CNTNAP5: variants seen among roughly 807,000 people sequenced by gnomAD.
CNTNAP5 encodes contactin associated protein family member 5.
A neutral mutation model predicts 150.2 loss-of-function variants in CNTNAP5; 72 were observed. That is an observed-to-expected ratio of 0.48 (90% confidence interval 0.40 to 0.58). CNTNAP5 has a LOEUF of 0.58. Ranked by LOEUF, CNTNAP5 falls within the 20% of genes least tolerant of loss-of-function variation. The pLI, the probability that CNTNAP5 is intolerant of heterozygous loss-of-function variation, is 0.00. For missense variants in CNTNAP5, 1,636 were observed against 1,626.2 expected (o/e 1.01, Z -0.10); for synonymous variants, 672 against 619.8 (o/e 1.08, Z -1.25).
chr2:124,398,448 A>G lies in CNTNAP5; in HGVS notation c.382-18995A>G, dbSNP rs148937919. 1.2e-3 allele frequency among the ~76,000 whole-genome samples: 175 copies of G among 152,172 alleles called. 1 individual carries two copies. The East Asian group carries it at 0.026, about 23-fold the overall frequency. Reference sequence around the variant, plus strand: ...AAGCAGGAGATAATTTGGAAAGCAGAGGGCTTTATAGGGAATATTAAGAAA... The same window carrying G: ...AAGCAGGAGATAATTTGGAAAGCAGGGGGCTTTATAGGGAATATTAAGAAA... On this transcript the variant is annotated intron_variant, in intron 3 of 23. Coordinates refer to ENST00000682447, the MANE Select transcript of CNTNAP5 (RefSeq NM_001367498.1).
chr2:124,321,903 A>ACTT (rs1175760541), intron 3 of CNTNAP5, among the ~76,000 whole-genome samples: 1 of 152,150 alleles, frequency 6.6e-6, no homozygotes, highest in Non-Finnish European at 1.5e-5. Flanking sequence ...TAATCCCAAC[A>ACTT]CTTTGGGAAG....
chr2:124,469,766 C>T (rs1354613837), intron 6 of CNTNAP5, among the ~76,000 whole-genome samples: 2 of 152,102 alleles, frequency 1.3e-5, no homozygotes, highest in Non-Finnish European at 2.9e-5. Context: ...AGTGGTTCAC[C>T]TCCCTGTGCC....
chr2:124,153,085 A>T (rs1467787754), intron 1 of CNTNAP5, among the ~76,000 whole-genome samples: 3 of 152,206 alleles, frequency 2.0e-5, no homozygotes, highest in Admixed American at 6.5e-5. Flanking sequence ...TTGCTAAAGT[A>T]GATTTATAAA....
At chr2:124,608,877 G>A (rs761272776) in intron 11 of CNTNAP5, among the ~76,000 whole-genome samples, 3 of 151,510 alleles carry the variant, frequency 2.0e-5, no homozygotes, top group Admixed American at 6.6e-5. Context: ...CCCGGGAGGC[G>A]AGTTTGTAGT....
intron 16 of CNTNAP5, among the ~76,000 whole-genome samples, chr2:124,765,143 T>A (rs1030641189): frequency 6.6e-6 from 1 of 152,110 alleles, no homozygotes; most frequent in African/African-American, 2.4e-5. Flanking sequence ...AAAATTTCAT[T>A]TTATACTAAA....
chr2:124,611,737 A>T (rs2104986457), intron 12 of CNTNAP5, among the ~76,000 whole-genome samples: 1 of 152,346 alleles, frequency 6.6e-6, no homozygotes, highest in Admixed American at 6.5e-5. Flanking sequence ...CAGGGAAAGT[A>T]ATTTGGCTGC....
At chr2:124,773,685 T>C (rs1204315436) in intron 17 of CNTNAP5, among the ~76,000 whole-genome samples, 2 of 152,070 alleles carry the variant, frequency 1.3e-5, no homozygotes, top group Non-Finnish European at 2.9e-5. Context: ...CTACAACTGG[T>C]CAGGTATCTT....
intron 10 of CNTNAP5, among the ~76,000 whole-genome samples, chr2:124,561,481 G>A (rs1021549631): frequency 2.0e-5 from 3 of 152,040 alleles, no homozygotes; most frequent in South Asian, 2.1e-4. Flanking sequence ...CAGGAGAGTG[G>A]GTGGGAATAA....
intron 3 of CNTNAP5, among the ~76,000 whole-genome samples, chr2:124,375,671 G>T (rs957564130): frequency 1.3e-5 from 2 of 152,026 alleles, no homozygotes; most frequent in Non-Finnish European, 2.9e-5. Flanking sequence ...TCCTGGTTTG[G>T]GGGACTGTGC....
chr2:124,642,309 G>A (rs1244544016), intron 12 of CNTNAP5, among the ~76,000 whole-genome samples: 3 of 152,156 alleles, frequency 2.0e-5, no homozygotes, highest in Admixed American at 1.3e-4. Context: ...GTGTGTGTAT[G>A]TGTGTGTTTT....
intron 21 of CNTNAP5, among the ~76,000 whole-genome samples, chr2:124,892,159 T>TGAGCCACTGTTTTCTTC (rs1678207984): frequency 6.6e-6 from 1 of 152,154 alleles, no homozygotes; most frequent in South Asian, 2.1e-4. Flanking sequence ...TGATTTTCTT[T>TGAGCCACTGTTTTCTTC]GAGCCACTGT....
intron 3 of CNTNAP5, among the ~76,000 whole-genome samples, chr2:124,290,180 A>G (rs1164283336): frequency 1.3e-5 from 2 of 152,128 alleles, no homozygotes; most frequent in Non-Finnish European, 2.9e-5. Context: ...AAGATGAACT[A>G]TTCACTAAGT....
At chr2:124,543,089 A>C (rs1038086911) in intron 10 of CNTNAP5, among the ~76,000 whole-genome samples, 3 of 152,200 alleles carry the variant, frequency 2.0e-5, no homozygotes, top group African/African-American at 7.2e-5. Context: ...TTTGAATAGC[A>C]AGAGTGCCTA....
chr2:124,691,205 T>C (rs1388226544), intron 13 of CNTNAP5, among the ~76,000 whole-genome samples: 4 of 152,140 alleles, frequency 2.6e-5, no homozygotes, highest in African/African-American at 9.7e-5. Context: ...GCAACATTTT[T>C]CTTGGCTTCT....
At chr2:124,394,475 C>T (rs748379990) in intron 3 of CNTNAP5, among the ~76,000 whole-genome samples, 4 of 151,798 alleles carry the variant, frequency 2.6e-5, no homozygotes, top group Admixed American at 1.3e-4. Flanking sequence ...ATGAGACATC[C>T]CTGGACATCC....
chr2:124,854,268 C>A (rs1046125698), intron 19 of CNTNAP5, among the ~76,000 whole-genome samples: 7 of 152,200 alleles, frequency 4.6e-5, no homozygotes, highest in African/African-American at 1.7e-4. Flanking sequence ...TGCTGCCACA[C>A]ATCTCTTTTG....
chr2:124,891,004 GTA>G (rs1165601834), intron 21 of CNTNAP5, among the ~76,000 whole-genome samples: 2 of 152,096 alleles, frequency 1.3e-5, no homozygotes, highest in Non-Finnish European at 2.9e-5. Context: ...CACAAAAAAA[GTA>G]TGTGGTAGAA....
intron 21 of CNTNAP5, among the ~76,000 whole-genome samples, chr2:124,890,274 A>G (rs1467437066): frequency 6.6e-6 from 1 of 152,078 alleles, no homozygotes; most frequent in African/African-American, 2.4e-5. Context: ...TCTATATGGC[A>G]ATCCGGAAGT....
Position 124,914,421 on chromosome 2 carries a change from C to G in CNTNAP5, c.*133C>G, listed in dbSNP as rs1678720393. The G allele has an allele frequency of 1.5e-6, 1 of 684,824 alleles. No homozygotes were observed. Among genetic ancestry groups the G allele is most frequent in the African/African-American group, 1.8e-5 (1 of 54,876 alleles). The allele number at this position is 684,824 out of a possible 1,614,324, so 42.4% of individuals were successfully genotyped here. A position where few individuals can be genotyped will look rare whatever the true frequency, so the allele number is the denominator to read the frequency against. On this transcript the variant is annotated 3_prime_UTR_variant, in exon 24 of 24. Transcript: ENST00000682447. ...TGTCTTTTCTGGAACATACTTGCATCCACCACAGCATCAATTCCCTTGATC... is the reference window on the plus strand; with the variant it reads ...TGTCTTTTCTGGAACATACTTGCATGCACCACAGCATCAATTCCCTTGATC...
Sources: gnomAD v4.1 joint callset for allele counts (sites outside exome capture counted in the v4.1 genomes callset) on GRCh38, gnomAD v4.1.1 for gene constraint, MANE v1.5 for transcripts, NCBI Gene and HGNC (gene_info 2026-07-23, HGNC 2026-07-21) for gene names.